Variants in ATAD2B observed in about 807,000 individuals in gnomAD.
ATAD2B encodes the protein ATPase family AAA domain containing 2B.
ATAD2B carries 40 observed loss-of-function variants against 167.6 expected under a neutral mutation model. That is an observed-to-expected ratio of 0.24 (90% CI 0.19 to 0.31). The LOEUF is 0.31. ATAD2B is among the 10% of genes least tolerant of loss of function. ATAD2B has a pLI of 1.00. For synonymous variants in ATAD2B, 579 were observed against 596.5 expected (o/e 0.97, Z 0.43); for missense variants, 1,242 against 1,757.2 (o/e 0.71, Z 5.24).
intron 1 of ATAD2B, among the ~76,000 whole-genome samples, chr2:23,896,255 G>GTC (rs1172317017): frequency 6.6e-6 from 1 of 151,656 alleles, no homozygotes; most frequent in African/African-American, 2.4e-5. Context: ...AACCCAGGAG[G>GTC]CGGAGGCTGC....
rs1349971885 is a variant in ATAD2B, at chr2:23,921,677, C to A, written c.216+4878G>T. On this transcript the variant is annotated intron_variant, in intron 1 of 27. Transcript: ENST00000238789. ...ATAGCCTGTAACTGAATTTAAGCTGCATTTTCACTTGGCTACCAGAGACAA... is the reference window on the plus strand; with the variant it reads ...ATAGCCTGTAACTGAATTTAAGCTGAATTTTCACTTGGCTACCAGAGACAA... 3.9e-5 allele frequency among the ~76,000 whole-genome samples: 6 copies of A among 152,170 alleles called. No individual in the cohort carries two copies. The South Asian group carries it at 1.2e-3, about 32-fold the overall frequency.
intron 22 of ATAD2B, among the ~76,000 whole-genome samples, chr2:23,770,446 T>A (rs1244983043): frequency 2.0e-5 from 3 of 152,346 alleles, no homozygotes; most frequent in Non-Finnish European, 4.4e-5. Context: ...TTATTTAAAT[T>A]GGGTTATTAT....
chr2:23,809,742 T>C (rs1176228394), intron 18 of ATAD2B, among the ~76,000 whole-genome samples: 3 of 152,152 alleles, frequency 2.0e-5, no homozygotes, highest in Non-Finnish European at 2.9e-5. Context: ...ATCCCTAGTT[T>C]CAATATGACA....
chr2:23,689,608 A>G, the ATAD2B span: 2 of 152,368 alleles, frequency 1.3e-5, no homozygotes, highest in South Asian at 4.1e-4. Context: ...TGGGTGGACA[A>G]GTGGGCTGGC....
the ATAD2B span, among the ~76,000 whole-genome samples, chr2:23,698,396 AC>A: frequency 6.6e-6 from 1 of 151,914 alleles, no homozygotes; most frequent in Non-Finnish European, 1.5e-5. Context: ...GTGTAGCTAG[AC>A]CCCCTTCGGG....
intron 7 of ATAD2B, among the ~76,000 whole-genome samples, chr2:23,876,490 C>G (rs536917386): frequency 6.6e-6 from 1 of 151,900 alleles, no homozygotes; most frequent in African/African-American, 2.4e-5. Flanking sequence ...TTGGTAGAGA[C>G]GGGGTTTCAC....
At position 23,798,219 on chromosome 2, in the gene ATAD2B, T is replaced by A. The variant is rs561104053; in HGVS notation, c.2559A>T (p.Thr853=). ...AAAATGATGGTATATCTTGTAGCAATGTCAGAAAAGTTGCTCTCACAGTTT... is the reference window on the plus strand; with the variant it reads ...AAAATGATGGTATATCTTGTAGCAAAGTCAGAAAAGTTGCTCTCACAGTTT... The part of the protein sequence containing the change: ...VSETVRATFL[T]LLQDIPSFSP... Residue 853 remains threonine (T), a synonymous_variant, in exon 19 of 28, where the codon ACA becomes ACT. Coordinates refer to ENST00000238789, the MANE Select transcript of ATAD2B (RefSeq NM_017552.4). 6.8e-5 allele frequency: 110 copies of A among 1,608,750 alleles called. No homozygotes were observed. Among genetic ancestry groups the A allele is most frequent in the Non-Finnish European group, 9.1e-5 (107 of 1,175,852 alleles).
chr2:23,825,277 A>G (rs1688077832), intron 15 of ATAD2B, among the ~76,000 whole-genome samples: 1 of 151,974 alleles, frequency 6.6e-6, no homozygotes, highest in South Asian at 2.1e-4. Flanking sequence ...ATGACCTTAT[A>G]GAACACTTAA....
chr2:23,684,945 G>A, the ATAD2B span, among the ~76,000 whole-genome samples: 6 of 152,190 alleles, frequency 3.9e-5, no homozygotes, highest in East Asian at 3.8e-4. This position sits in a 1 kb window ranked among gnomAD's most constrained non-coding sequence, Gnocchi z 4.4. Context: ...CAGTGCCATC[G>A]TCCCTGCTGT....
the ATAD2B span, among the ~76,000 whole-genome samples, chr2:23,742,048 G>A: frequency 2.0e-5 from 3 of 152,104 alleles, no homozygotes; most frequent in Admixed American, 6.5e-5. Context: ...AAAAAGTCAG[G>A]AAACAACAGG....
chr2:23,684,746 C>A, the ATAD2B span, among the ~76,000 whole-genome samples: 1 of 152,098 alleles, frequency 6.6e-6, no homozygotes, highest in Non-Finnish European at 1.5e-5. The surrounding 1 kb of genome is among the most constrained non-coding windows in gnomAD (Gnocchi z 4.4). Flanking sequence ...CCGCCCCCAC[C>A]CACAGCTTTG....
intron 1 of ATAD2B, among the ~76,000 whole-genome samples, chr2:23,907,691 A>C (rs1453255323): frequency 1.3e-5 from 2 of 152,212 alleles, no homozygotes; most frequent in Non-Finnish European, 2.9e-5. Flanking sequence ...GTCAATCCTA[A>C]GCCAAAAGAA....
intron 18 of ATAD2B, among the ~76,000 whole-genome samples, chr2:23,807,915 TATATAA>T (rs1480297938): frequency 1.5e-5 from 2 of 130,944 alleles, no homozygotes; most frequent in Admixed American, 8.7e-5. Flanking sequence ...TAAATATAAA[TATATAA>T]ATATATTTAT....
At chr2:23,849,543 CAA>C (rs552805504) in intron 13 of ATAD2B, among the ~76,000 whole-genome samples, 1 of 152,122 alleles carries the variant, frequency 6.6e-6, no homozygotes, top group Non-Finnish European at 1.5e-5. Flanking sequence ...TGTAAGAAAA[CAA>C]AAGAGGCCAG....
chr2:23,825,329 A>G (rs900610629), intron 15 of ATAD2B, among the ~76,000 whole-genome samples: 9 of 152,122 alleles, frequency 5.9e-5, no homozygotes, highest in African/African-American at 2.2e-4. Context: ...AAACCTATTC[A>G]AAGTTAGGGA....
chr2:23,736,474 AAAAC>A, the ATAD2B span, among the ~76,000 whole-genome samples: 1 of 152,214 alleles, frequency 6.6e-6, no homozygotes, highest in East Asian at 1.9e-4. Flanking sequence ...AAGGAAAAGA[AAAAC>A]AAAGAAAAAA....
the ATAD2B span, among the ~76,000 whole-genome samples, chr2:23,680,277 C>T: frequency 2.1e-3 from 324 of 152,208 alleles, 1 homozygote; most frequent in African/African-American, 7.5e-3. This position sits in a 1 kb window ranked among gnomAD's most constrained non-coding sequence, Gnocchi z 4.1. Flanking sequence ...CTGGGGAAGG[C>T]CTGCGGATTG....
the ATAD2B span, among the ~76,000 whole-genome samples, chr2:23,694,520 C>A: frequency 6.6e-5 from 10 of 152,176 alleles, no homozygotes; most frequent in Non-Finnish European, 1.2e-4. Flanking sequence ...CAAACCCCTC[C>A]TCAGTTGCCT....
chr2:23,833,812 A>G, intron 14 of ATAD2B, 107 bp downstream of exon 14: 12 of 903,512 alleles, frequency 1.3e-5, no homozygotes, highest in Non-Finnish European at 1.9e-5. Flanking sequence ...GATATCCTTA[A>G]GCAGAAAATC....
Sources: gnomAD v4.1 joint callset for allele counts (sites outside exome capture counted in the v4.1 genomes callset) on GRCh38, gnomAD v4.1.1 for gene constraint, Gnocchi (gnomAD v3.1) non-coding constraint, MANE v1.5 for transcripts, NCBI Gene and HGNC (gene_info 2026-07-23, HGNC 2026-07-21) for gene names.